GSK3B: variants seen among roughly 807,000 people sequenced by gnomAD.
GSK3B encodes glycogen synthase kinase 3 beta.
GSK3B carries 15 observed loss-of-function variants against 56.4 expected under a neutral mutation model. The ratio of observed to expected loss-of-function variants is 0.27; its 90% CI spans 0.18 to 0.41. GSK3B has a LOEUF of 0.41. Among genes scored for constraint, GSK3B ranks in the 10% least tolerant of loss-of-function variants. The pLI is 1.00. For synonymous variants in GSK3B, 181 were observed against 188.9 expected, an observed-to-expected ratio of 0.96 and a Z score of 0.34; for missense variants, 300 against 513.4, an observed-to-expected ratio of 0.58 and a Z score of 4.02.
At chr3:119,917,180 A>G (rs2056789447) in intron 4 of GSK3B, among the ~76,000 whole-genome samples, 1 of 152,228 alleles carries the variant, frequency 6.6e-6, no homozygotes, top group South Asian at 2.1e-4. Context: ...AAGCATTGAC[A>G]TATGGCACCA....
chr3:119,851,483 G>A (rs1364432393), intron 9 of GSK3B, among the ~76,000 whole-genome samples: 1 of 152,162 alleles, frequency 6.6e-6, no homozygotes, highest in Non-Finnish European at 1.5e-5. Context: ...AGGTGCTAGT[G>A]GTAACGTGTT....
At chr3:120,050,240 AG>A (rs1210341299) in intron 1 of GSK3B, among the ~76,000 whole-genome samples, 1 of 152,248 alleles carries the variant, frequency 6.6e-6, no homozygotes, top group Admixed American at 6.5e-5. Flanking sequence ...GCCATTCATG[AG>A]GGATCCACCC....
chr3:120,070,444 T>A (rs115941008), intron 1 of GSK3B, among the ~76,000 whole-genome samples: 1,633 of 151,940 alleles, frequency 0.011, 24 homozygotes, highest in African/African-American at 0.038. Context: ...GTAGTTACTA[T>A]CACCACTTCC....
At chr3:119,952,950 A>G (rs58371446) in intron 2 of GSK3B, among the ~76,000 whole-genome samples, 3,933 of 152,214 alleles carry the variant, frequency 0.026, 172 homozygotes, top group African/African-American at 0.089. Context: ...AGAAAATATA[A>G]AAGACTATAG....
intron 1 of GSK3B, among the ~76,000 whole-genome samples, chr3:120,037,349 A>G (rs2058031572): frequency 6.6e-6 from 1 of 152,228 alleles, no homozygotes; most frequent in South Asian, 2.1e-4. Context: ...AGCTTATCCA[A>G]TTATCCAAAT....
intron 2 of GSK3B, among the ~76,000 whole-genome samples, chr3:119,995,313 A>C (rs76946975): frequency 6.4e-4 from 97 of 152,184 alleles, no homozygotes; most frequent in East Asian, 4.4e-3. Context: ...AGCCTGGGTT[A>C]TACGGCAAGA....
intron 1 of GSK3B, among the ~76,000 whole-genome samples, chr3:120,053,632 T>C (rs1184278146): frequency 3.9e-5 from 6 of 152,150 alleles, no homozygotes; most frequent in Admixed American, 2.0e-4. Context: ...GGCCCCTGAA[T>C]GGTTTGGCTG....
chr3:119,863,469 T>G lies in GSK3B; in HGVS notation c.1046A>C (p.Lys349Thr), dbSNP rs367873946. 5.6e-6 allele frequency: 9 copies of G among 1,614,114 alleles called. No individual in the cohort carries two copies. In the East Asian group the frequency reaches 1.8e-4, roughly 32 times the overall value. Residue 349 changes from lysine (K) to threonine (T), a missense_variant, in exon 9 of 11, where the codon AAA becomes ACA. Physicochemically the swap from Lys to Thr is moderately conservative, Grantham distance 78 (BLOSUM62 -1). Coordinates refer to ENST00000264235, the MANE Select transcript of GSK3B (RefSeq NM_001146156.2). ...FFDELRDPNV[K>T]LPNGRDTPAL... ...AGGTGTGTCTCGCCCATTTGGTAGT[T>G]TGACATTTGGGTCCCGTAATTCATC...
At chr3:119,998,313 G>GT (rs1250098255) in intron 2 of GSK3B, among the ~76,000 whole-genome samples, 39 of 152,150 alleles carry the variant, frequency 2.6e-4, no homozygotes, top group Non-Finnish European at 1.6e-4. Context: ...AAGCTAACTG[G>GT]TAAGACCTCA....
At chr3:119,984,639 C>T (rs1008118765) in intron 2 of GSK3B, among the ~76,000 whole-genome samples, 1 of 152,170 alleles carries the variant, frequency 6.6e-6, no homozygotes, top group South Asian at 2.1e-4. Flanking sequence ...TTCCTGGACA[C>T]ATACACCCTC....
intron 10 of GSK3B, among the ~76,000 whole-genome samples, chr3:119,831,240 A>C (rs1284902579): frequency 6.6e-6 from 1 of 152,248 alleles, no homozygotes. Flanking sequence ...AGGTGGCAGC[A>C]GAAAAGATTT....
At chr3:120,076,230 C>A (rs1258140477) in intron 1 of GSK3B, among the ~76,000 whole-genome samples, 1 of 152,100 alleles carries the variant, frequency 6.6e-6, no homozygotes, top group African/African-American at 2.4e-5. Flanking sequence ...AAAACCTAAA[C>A]ATAAGACTTG....
At chr3:120,081,787 A>G (rs895356786) in intron 1 of GSK3B, among the ~76,000 whole-genome samples, 2 of 152,262 alleles carry the variant, frequency 1.3e-5, no homozygotes, top group Admixed American at 1.3e-4. Flanking sequence ...GTTGGAACTT[A>G]TGATCTCCTA....
chr3:119,922,225 GGAGGGAA>G (rs1428696942), intron 4 of GSK3B, among the ~76,000 whole-genome samples: 5 of 107,266 alleles, frequency 4.7e-5, no homozygotes, highest in East Asian at 2.4e-4. Context: ...AAGGAAGGAA[GGAGGGAA>G]GGAAGGAAGG....
intron 1 of GSK3B, among the ~76,000 whole-genome samples, chr3:120,085,997 C>A (rs2058460514): frequency 6.6e-6 from 1 of 152,074 alleles, no homozygotes; most frequent in South Asian, 2.1e-4. Context: ...CACCCTTTTT[C>A]TTCAGCCTAA....
chr3:119,886,698 A>G (rs144106391), intron 7 of GSK3B, among the ~76,000 whole-genome samples: 397 of 152,272 alleles, frequency 2.6e-3, no homozygotes, highest in African/African-American at 8.5e-3. Context: ...AGCCATAAAA[A>G]AAATTACGTC....
At chr3:119,967,987 C>A (rs1295111965) in intron 2 of GSK3B, among the ~76,000 whole-genome samples, 1 of 152,084 alleles carries the variant, frequency 6.6e-6, no homozygotes, top group Non-Finnish European at 1.5e-5. Flanking sequence ...TCCTGAGTAG[C>A]TGGGATTACA....
chr3:120,037,149 ACAAAAAAATTGCTTTG>A (rs2058030037), intron 1 of GSK3B, among the ~76,000 whole-genome samples: 1 of 152,228 alleles, frequency 6.6e-6, no homozygotes, highest in Non-Finnish European at 1.5e-5. Flanking sequence ...CTTGAAACAA[ACAAAAAAATTGCTTTG>A]CTATTTTACT....
chr3:119,951,989 G>A (rs1360995518), intron 2 of GSK3B, among the ~76,000 whole-genome samples: 1 of 149,964 alleles, frequency 6.7e-6, no homozygotes, highest in East Asian at 1.9e-4. Context: ...AAGAAATAGA[G>A]ATTGTCCAAA....
Sources: allele counts gnomAD v4.1 joint callset (sites outside exome capture counted in the v4.1 genomes callset), GRCh38; gene constraint gnomAD v4.1.1; transcripts MANE v1.5; gene names NCBI Gene and HGNC (gene_info 2026-07-23, HGNC 2026-07-21).